SAMD3: variants seen among roughly 807,000 people sequenced by gnomAD.
SAMD3 encodes the protein sterile alpha motif domain-containing protein 3.
Under a neutral mutation model 58.5 loss-of-function variants are expected in SAMD3, and 63 were observed. That is an observed-to-expected ratio of 1.08 (90% confidence interval 0.88 to 1.33). The LOEUF (loss-of-function observed/expected upper bound fraction) is 1.33, where lower values mean the gene tolerates loss of function less well. SAMD3 is among the 40% of genes most tolerant of loss of function. SAMD3 has a pLI of 0.00. For synonymous variants in SAMD3, 220 were observed against 210.3 expected, an observed-to-expected ratio of 1.05 and a Z score of -0.40; for missense variants, 604 against 608.4, an observed-to-expected ratio of 0.99 and a Z score of 0.08.
chr6:130,219,281 T>C (rs1180032493), intron 1 of SAMD3, among the ~76,000 whole-genome samples: 2 of 152,196 alleles, frequency 1.3e-5, no homozygotes, highest in Admixed American at 1.3e-4. Context: ...CTCTATACGT[T>C]ATGCTAAACG....
chr6:130,186,767 ATT>A (rs35592601), intron 5 of SAMD3, among the ~76,000 whole-genome samples: 7 of 107,026 alleles, frequency 6.5e-5, no homozygotes, highest in East Asian at 2.6e-4. Flanking sequence ...CCTTCCTGGG[ATT>A]TTTTTTTTTT....
At chr6:130,361,507 G>C (rs1777988249) in intron 1 of SAMD3, among the ~76,000 whole-genome samples, 1 of 152,136 alleles carries the variant, frequency 6.6e-6, no homozygotes, top group Middle Eastern at 3.2e-3. Context: ...GTTGGCTGTA[G>C]GATTAAGAAA....
chr6:130,172,535 C>T (rs1185873190), intron 8 of SAMD3, among the ~76,000 whole-genome samples: 2 of 152,136 alleles, frequency 1.3e-5, no homozygotes, highest in African/African-American at 4.8e-5. Flanking sequence ...ATATTGGACC[C>T]CACTCTTTTC....
At chr6:130,340,235 G>C (rs567872040) in intron 1 of SAMD3, among the ~76,000 whole-genome samples, 1 of 152,226 alleles carries the variant, frequency 6.6e-6, no homozygotes, top group East Asian at 1.9e-4. Context: ...AGTCTTACTG[G>C]GCTAAAATCA....
At chr6:130,271,468 A>T (rs1466871382) in intron 2 of SAMD3, among the ~76,000 whole-genome samples, 1 of 151,844 alleles carries the variant, frequency 6.6e-6, no homozygotes, top group Non-Finnish European at 1.5e-5. Flanking sequence ...CCTTTTTAAG[A>T]TTTTCTTATG....
At chr6:130,292,215 G>A (rs1231673657) in intron 2 of SAMD3, among the ~76,000 whole-genome samples, 1 of 151,558 alleles carries the variant, frequency 6.6e-6, no homozygotes, top group African/African-American at 2.4e-5. Context: ...AGTTTCATCA[G>A]GAACTTAGAA....
chr6:130,297,955 T>A (rs1775623742), intron 2 of SAMD3, among the ~76,000 whole-genome samples: 1 of 152,176 alleles, frequency 6.6e-6, no homozygotes, highest in Non-Finnish European at 1.5e-5. Context: ...TTGGAAAACA[T>A]ACTTGAGGAA....
intron 7 of SAMD3, among the ~76,000 whole-genome samples, chr6:130,178,130 A>G (rs1791909527): frequency 6.6e-6 from 1 of 151,732 alleles, no homozygotes; most frequent in Non-Finnish European, 1.5e-5. Context: ...ATGTGCCACC[A>G]CAGCCAGCTA....
intron 2 of SAMD3, among the ~76,000 whole-genome samples, chr6:130,279,487 CT>C (rs397886882): frequency 0.11 from 12,953 of 123,250 alleles, 452 homozygotes; most frequent in Admixed American, 0.16. Context: ...TCAATTAAAC[CT>C]TTTTTTTTTT....
chr6:130,278,060 T>G (rs1044750432), intron 2 of SAMD3, among the ~76,000 whole-genome samples: 2 of 152,204 alleles, frequency 1.3e-5, no homozygotes, highest in African/African-American at 4.8e-5. Context: ...AAATTGCTGC[T>G]GGGTATAACA....
At chr6:130,277,669 A>G (rs959875452) in intron 2 of SAMD3, among the ~76,000 whole-genome samples, 8 of 152,112 alleles carry the variant, frequency 5.3e-5, no homozygotes, top group Non-Finnish European at 5.9e-5. Context: ...TACAGATTGG[A>G]TGTTCTTCCT....
chr6:130,304,809 A>G (rs1355107485), intron 2 of SAMD3, among the ~76,000 whole-genome samples: 2 of 151,524 alleles, frequency 1.3e-5, no homozygotes, highest in Non-Finnish European at 2.9e-5. Context: ...CACTCTACTT[A>G]TTTAGGTATT....
At chr6:130,269,563 CT>C (rs1400032514) in intron 2 of SAMD3, among the ~76,000 whole-genome samples, 2 of 152,032 alleles carry the variant, frequency 1.3e-5, no homozygotes, top group African/African-American at 4.8e-5. Context: ...AGTAATATCC[CT>C]GGTTTCCATT....
intron 4 of SAMD3, among the ~76,000 whole-genome samples, chr6:130,210,083 C>G (rs975472663): frequency 6.6e-6 from 1 of 152,130 alleles, no homozygotes; most frequent in Non-Finnish European, 1.5e-5. Context: ...CAACTGAAGC[C>G]TAGAAGGCAG....
chr6:130,320,014 A>G (rs1032043947), intron 1 of SAMD3, among the ~76,000 whole-genome samples: 1 of 152,058 alleles, frequency 6.6e-6, no homozygotes. Flanking sequence ...GCACACACAC[A>G]CGTCCCCCAA....
At chr6:130,248,498 G>T (rs921552651) in intron 2 of SAMD3, among the ~76,000 whole-genome samples, 24 of 152,196 alleles carry the variant, frequency 1.6e-4, no homozygotes, top group Admixed American at 1.5e-3. Flanking sequence ...TGTTAACAAG[G>T]AAGAGTATTT....
chr6:130,267,193 G>A (rs769040601), intron 2 of SAMD3, among the ~76,000 whole-genome samples: 1 of 152,222 alleles, frequency 6.6e-6, no homozygotes, highest in African/African-American at 2.4e-5. Context: ...ACTGGCACAT[G>A]TGCCCGTGCA....
chr6:130,215,210 C>T lies in SAMD3; in HGVS notation c.64G>A (p.Val22Ile), dbSNP rs907355120. The T allele has an allele frequency of 6.3e-7, 1 of 1,597,852 alleles. No individual in the cohort carries two copies. The highest frequency in any genetic ancestry group is 1.7e-5 in the Admixed American group (1 of 59,700). ...WLVEKNLGEL[V>I]HRFQEEEVSG... ...AACAACTCACCTTGAAATCTATGAACTAGCTCTCCTAAATTTTTCTCCACC... is the reference window on the plus strand; with the variant it reads ...AACAACTCACCTTGAAATCTATGAATTAGCTCTCCTAAATTTTTCTCCACC... Residue 22 changes from valine to isoleucine, a missense_variant, in exon 3 of 12, where the codon GTT (valine) becomes ATT (isoleucine). Physicochemically the swap from Val to Ile is conservative, Grantham distance 29. Coordinates refer to ENST00000439090, the MANE Select transcript of SAMD3 (RefSeq NM_001017373.4).
chr6:130,175,359 G>A (rs1457683568), intron 8 of SAMD3, among the ~76,000 whole-genome samples: 2 of 152,174 alleles, frequency 1.3e-5, no homozygotes, highest in Non-Finnish European at 2.9e-5. Flanking sequence ...CCACTTCTGG[G>A]TTGGGGTGGA....
Sources: allele counts gnomAD v4.1 joint callset (sites outside exome capture counted in the v4.1 genomes callset), GRCh38; gene constraint gnomAD v4.1.1; transcripts MANE v1.5; gene names NCBI Gene and HGNC (gene_info 2026-07-23, HGNC 2026-07-21).